NQO2: variants seen among roughly 807,000 people sequenced by gnomAD.
NQO2 encodes N-ribosyldihydronicotinamide:quinone dehydrogenase 2.
In NQO2, 18 loss-of-function variants were observed where a neutral mutation model predicts 22.0. That is an observed-to-expected ratio of 0.82 (90% confidence interval 0.56 to 1.21). The LOEUF (loss-of-function observed/expected upper bound fraction) is 1.21, where lower values mean the gene tolerates loss of function less well. Among genes scored for constraint, NQO2 ranks in the 50% most tolerant of loss-of-function variants. The pLI is 0.00. For synonymous variants in NQO2, 106 were observed against 110.8 expected (o/e 0.96, Z 0.28); for missense variants, 267 against 286.9 (o/e 0.93, Z 0.50).
At chr6:3,003,214 G>C (rs1756798765) in intron 1 of NQO2, among the ~76,000 whole-genome samples, 1 of 152,048 alleles carries the variant, frequency 6.6e-6, no homozygotes, top group South Asian at 2.1e-4. Context: ...CGCCATTTTG[G>C]CTCACCCTGT....
chr6:3,000,745 G>C (rs1186228020), intron 1 of NQO2, among the ~76,000 whole-genome samples: 1 of 152,070 alleles, frequency 6.6e-6, no homozygotes, highest in African/African-American at 2.4e-5. Flanking sequence ...TTTCATGTTG[G>C]TCAGGCTGGT....
intron 6 of NQO2, among the ~76,000 whole-genome samples, chr6:3,018,225 A>G (rs10223331): frequency 0.77 from 117,424 of 152,222 alleles, 45,848 homozygotes; most frequent in African/African-American, 0.9. Context: ...TGTTGTCTGA[A>G]GCTGGGTGCG....
At chr6:3,015,358 G>A (rs1177842271) in intron 4 of NQO2, 172 bp from the exon 5 acceptor site, 14 of 985,248 alleles carry the variant, frequency 1.4e-5, no homozygotes, top group South Asian at 4.7e-5. Flanking sequence ...CTCCGTTCCC[G>A]TCTGACACCC....
intron 3 of NQO2, among the ~76,000 whole-genome samples, chr6:3,011,260 T>C (rs1378247095): frequency 6.6e-6 from 1 of 152,146 alleles, no homozygotes; most frequent in African/African-American, 2.4e-5. Flanking sequence ...TACAAAGAGA[T>C]TGAAATAATT....
intron 1 of NQO2, chr6:3,004,692 GT>G (rs1756878712): frequency 3.1e-6 from 3 of 977,428 alleles, no homozygotes; most frequent in Non-Finnish European, 3.6e-6. Flanking sequence ...TGTGCTTTTT[GT>G]TTTGCTGTAA....
Position 3,015,597 on chromosome 6 carries a change from G to A in NQO2, c.371G>A (p.Gly124Asp). 1.2e-6 allele frequency: 2 copies of A among 1,614,178 alleles called. No homozygotes were observed. The highest frequency in any genetic ancestry group is 8.5e-7 in the Non-Finnish European group (1 of 1,180,034). Residue 124 changes from glycine (G) to aspartate (D), a missense_variant, in exon 5 of 7, where the codon GGC becomes GAC. Physicochemically the swap from Gly to Asp is moderately conservative, Grantham distance 94. Coordinates refer to ENST00000380455, the MANE Select transcript of NQO2 (RefSeq NM_000904.6). ...KGWMDRVLCQ[G>D]FAFDIPGFYD... Reference sequence around the variant, plus strand: ...TGGATGGATAGGGTGCTGTGCCAGGGCTTTGCCTTTGACATCCCAGGATTC... The same window carrying A: ...TGGATGGATAGGGTGCTGTGCCAGGACTTTGCCTTTGACATCCCAGGATTC...
chr6:3,001,867 G>A lies in NQO2; in HGVS notation c.-86+1782G>A, dbSNP rs540138653. Among the ~76,000 whole-genome samples, 5 of 152,294 alleles carry A rather than the reference G, an allele frequency of 3.3e-5. No individual in the cohort carries two copies. In the East Asian group the frequency reaches 9.6e-4, roughly 29 times the overall value. The stretch of plus-strand genomic sequence containing the variant: ...AAAGGGAGAGAACTGTCACTGCTGT[G>A]GATGGGGTGCCAAGGGAAGTGCCTG... On this transcript the variant is annotated intron_variant, in intron 1 of 6. Coordinates refer to ENST00000380455, the MANE Select transcript of NQO2 (RefSeq NM_000904.6).
rs1561716666 is a variant in NQO2, at chr6:3,015,658, A to G, written c.417+15A>G. ...GTTTGCTCCAGGTATGTGCTCTTGG[A>G]TAAGGATCACTATGGATAGTTGGAG... On this transcript the variant is annotated intron_variant, in intron 5 of 6. Coordinates refer to ENST00000380455, the MANE Select transcript of NQO2 (RefSeq NM_000904.6). The G allele has an allele frequency of 1.2e-6, 2 of 1,612,770 alleles. No individual in the cohort carries two copies. Among genetic ancestry groups the G allele is most frequent in the Non-Finnish European group, 1.7e-6 (2 of 1,178,940 alleles).
intron 2 of NQO2, 193 bp from the exon 3 acceptor site, chr6:3,009,832 A>T (rs539806211): frequency 1.5e-6 from 1 of 687,446 alleles, no homozygotes; most frequent in Admixed American, 6.3e-5. Context: ...ATGCCACTGC[A>T]TTCCAGCCTG....
rs772146722 is a variant in NQO2 at position 3,010,192 on chromosome 6, G to T, written c.172+3G>T. ...GGCCACAGACAAAGATATCACTGGT[G>T]AGTCATGGGATAAATGCTCTATTTA... On this transcript the variant is annotated splice_donor_region_variant and intron_variant, in intron 3 of 6. Coordinates refer to ENST00000380455, the MANE Select transcript of NQO2 (RefSeq NM_000904.6). 15 of 1,592,118 alleles carry T rather than the reference G, an allele frequency of 9.4e-6. No individual in the cohort carries two copies. Among genetic ancestry groups the T allele is most frequent in the Non-Finnish European group, 1.3e-5 (15 of 1,168,952 alleles).
Position 3,006,218 on chromosome 6 carries a change from C to T in NQO2, c.-85-250C>T. On this transcript the variant is annotated intron_variant, in intron 1 of 6. Transcript: ENST00000380455. This position sits in a 1 kb window ranked among gnomAD's most constrained non-coding sequence, Gnocchi z 4.0. ...TCCTACCGTGGCTCATTTCCTGGGT[C>T]CTTTGCTGTATGACTGTCTGGATGG... The T allele has an allele frequency of 3.7e-6, 2 of 542,090 alleles. No homozygotes were observed. Among genetic ancestry groups the T allele is most frequent in the Non-Finnish European group, 4.7e-6 (2 of 424,920 alleles). 33.6% of individuals were successfully genotyped at this position (542,090 alleles called of 1,614,324 possible). A position where few individuals can be genotyped will look rare whatever the true frequency, so the allele number is the denominator to read the frequency against.
chr6:3,016,385 C>G (rs570287407), intron 5 of NQO2, among the ~76,000 whole-genome samples: 1 of 142,918 alleles, frequency 7.0e-6, no homozygotes, highest in Non-Finnish European at 1.5e-5. Flanking sequence ...GAGCCAAAAT[C>G]GCACCATTGC....
At chr6:3,012,728 C>G in intron 4 of NQO2, 54 bp downstream of exon 4, 2 of 1,553,936 alleles carry the variant, frequency 1.3e-6, no homozygotes, top group Non-Finnish European at 1.8e-6. Flanking sequence ...TGTACAAACT[C>G]TTTCTGAATA....
At chr6:3,005,521 CT>C in intron 1 of NQO2, 1 of 344,352 alleles carries the variant, frequency 2.9e-6, no homozygotes, top group African/African-American at 2.2e-5. Flanking sequence ...TCATGGCTTA[CT>C]GACCATTCAT....
intron 2 of NQO2, among the ~76,000 whole-genome samples, chr6:3,007,544 T>C (rs1756993816): frequency 6.6e-6 from 1 of 152,124 alleles, no homozygotes; most frequent in African/African-American, 2.4e-5. Context: ...AAATCAAGAG[T>C]TTAACATCTT....
chr6:3,004,681 CTG>C (rs2113434293), intron 1 of NQO2: 1 of 982,340 alleles, frequency 1.0e-6, no homozygotes, highest in Non-Finnish European at 1.2e-6. Context: ...TTGTGTGTCT[CTG>C]TGCTTTTTGT....
chr6:3,010,217 AT>A (rs762659071), intron 3 of NQO2, 28 bp downstream of exon 3: 1 of 1,523,218 alleles, frequency 6.6e-7, no homozygotes, highest in Admixed American at 2.1e-5. Flanking sequence ...TGCTCTATTT[AT>A]AAAAACCATC....
intron 3 of NQO2, among the ~76,000 whole-genome samples, chr6:3,011,363 A>T (rs986133306): frequency 2.0e-5 from 3 of 152,344 alleles, no homozygotes; most frequent in Admixed American, 1.3e-4. Context: ...GAAGCAGAAG[A>T]AAAAATCAGT....
At chr6:3,014,630 T>C (rs1292261152) in intron 4 of NQO2, among the ~76,000 whole-genome samples, 4 of 152,224 alleles carry the variant, frequency 2.6e-5, no homozygotes, top group African/African-American at 9.6e-5. Context: ...TTTCCCTTTT[T>C]TTCTGATAGT....
Sources: gnomAD v4.1 joint callset for allele counts (sites outside exome capture counted in the v4.1 genomes callset) on GRCh38, gnomAD v4.1.1 for gene constraint, Gnocchi (gnomAD v3.1) non-coding constraint, MANE v1.5 for transcripts, NCBI Gene and HGNC (gene_info 2026-07-23, HGNC 2026-07-21) for gene names.